AP3B1: variants seen among roughly 807,000 people sequenced by gnomAD.
The protein encoded by AP3B1 is AP-3 complex subunit beta-1.
In AP3B1, 61 loss-of-function variants were observed where a neutral mutation model predicts 132.5. The observed-to-expected ratio is 0.46, with a 90% CI of 0.37 to 0.57. AP3B1 has a LOEUF of 0.57. Ranked by LOEUF, AP3B1 falls within the 20% of genes least tolerant of loss-of-function variation. The pLI, the probability that AP3B1 is intolerant of heterozygous loss-of-function variation, is 0.00. For missense variants in AP3B1, 1,120 were observed against 1,289.4 expected (o/e 0.87, Z 2.01); for synonymous variants, 388 against 438.3 (o/e 0.89, Z 1.43).
At chr5:78,020,838 C>A (rs1747061179) in intron 24 of AP3B1, 49 bp from the exon 25 acceptor site, 1 of 1,403,572 alleles carries the variant, frequency 7.1e-7, no homozygotes, top group Non-Finnish European at 1.0e-6. Context: ...AATAAACATT[C>A]TTAATACTAA....
Position 78,278,628 on chromosome 5 carries a change from G to GAAAA in AP3B1, c.129-11034_129-11033insTTTT, listed in dbSNP as rs1561217286. On this transcript the variant is annotated intron_variant, in intron 1 of 26. Transcript: ENST00000255194. ...AAAAAAAAAAAAAAAAAAAAAAAGG[G>GAAAA]GGGGGGGGACTAATTAATTATGAGG... 1.1e-3 allele frequency among the ~76,000 whole-genome samples: 46 copies of GAAAA among 42,678 alleles called. 1 individual carries two copies. Among genetic ancestry groups the GAAAA allele is most frequent in the African/African-American group, 2.9e-3 (38 of 13,328 alleles). The allele number at this position is 42,678 out of a possible 152,430, so 28.0% of individuals were successfully genotyped here.
chr5:78,237,265 G>T (rs1746915796), intron 3 of AP3B1, among the ~76,000 whole-genome samples: 1 of 152,080 alleles, frequency 6.6e-6, no homozygotes, highest in Admixed American at 6.5e-5. Context: ...GGAGGCCAAG[G>T]CAGGAGGATC....
chr5:78,064,023 G>A (rs925071644), intron 22 of AP3B1, among the ~76,000 whole-genome samples: 3 of 151,354 alleles, frequency 2.0e-5, no homozygotes, highest in African/African-American at 7.3e-5. Flanking sequence ...TGCAGGGGGG[G>A]TCGGGCAGGA....
At chr5:78,026,978 G>C (rs1747363968) in intron 24 of AP3B1, among the ~76,000 whole-genome samples, 2 of 151,968 alleles carry the variant, frequency 1.3e-5, no homozygotes, top group South Asian at 2.1e-4. Context: ...CCTTTTCATT[G>C]ATTGTGAGAG....
At chr5:78,257,547 T>C (rs1263455687) in intron 2 of AP3B1, among the ~76,000 whole-genome samples, 1 of 152,114 alleles carries the variant, frequency 6.6e-6, no homozygotes, top group African/African-American at 2.4e-5. Flanking sequence ...AAAAATATTC[T>C]GTGTTCATGG....
At chr5:78,279,267 G>A (rs920858273) in intron 1 of AP3B1, among the ~76,000 whole-genome samples, 4 of 152,042 alleles carry the variant, frequency 2.6e-5, no homozygotes, top group Admixed American at 6.6e-5. Context: ...CTAACATGTC[G>A]TGTTTATAAC....
Position 78,003,064 on chromosome 5 carries a change from G to C in AP3B1, c.3132-9C>G. ...CAGTTTTAGCTGCAAACCTGGAAGA[G>C]AAAAAAGAGAGACCTTTTATCATAA... On this transcript the variant is annotated splice_polypyrimidine_tract_variant and intron_variant, in intron 26 of 26. Transcript: ENST00000255194. 1 of 1,613,436 alleles carries C rather than the reference G, an allele frequency of 6.2e-7. No homozygotes were observed. Among genetic ancestry groups the C allele is most frequent in the Non-Finnish European group, 8.5e-7 (1 of 1,179,810 alleles).
intron 7 of AP3B1, among the ~76,000 whole-genome samples, chr5:78,193,736 A>C (rs1409333230): frequency 1.4e-5 from 1 of 70,590 alleles, no homozygotes; most frequent in Non-Finnish European, 3.0e-5. Flanking sequence ...ATATTTGTAT[A>C]TATTTTTTTA....
rs182554887 is a variant in AP3B1 at position 78,225,640 on chromosome 5, T to C, written c.537-32A>G. The stretch of plus-strand genomic sequence containing the variant: ...AATACAAAAATAACATATTAATTTT[T>C]CCCTTTAATTCTAGCTTTACATGAT... On this transcript the variant is annotated intron_variant, in intron 5 of 26. Coordinates refer to ENST00000255194, the MANE Select transcript of AP3B1 (RefSeq NM_003664.5). 2.5e-4 allele frequency: 345 copies of C among 1,379,270 alleles called. No individual in the cohort carries two copies. The African/African-American group carries it at 4.5e-3, about 18-fold the overall frequency. The allele number at this position is 1,379,270 out of a possible 1,614,324, so 85.4% of individuals were successfully genotyped here.
At chr5:78,162,993 TG>T in intron 12 of AP3B1, 42 bp from the exon 13 acceptor site, 1 of 1,589,260 alleles carries the variant, frequency 6.3e-7, no homozygotes, top group African/African-American at 1.3e-5. Flanking sequence ...CTGGTATTAT[TG>T]AGTTAACCAA....
intron 1 of AP3B1, among the ~76,000 whole-genome samples, chr5:78,278,622 A>C: frequency 1.3e-5 from 1 of 75,648 alleles, no homozygotes; most frequent in South Asian, 5.6e-4. Flanking sequence ...AAAAAAAAAA[A>C]AAAGGGGGGG....
intron 7 of AP3B1, among the ~76,000 whole-genome samples, chr5:78,188,626 G>A (rs370595653): frequency 4.1e-4 from 62 of 152,310 alleles, no homozygotes; most frequent in Middle Eastern, 3.4e-3. Flanking sequence ...TACACTGTTG[G>A]TGGGTACATA....
chr5:78,150,851 A>C (rs970417639), intron 14 of AP3B1, among the ~76,000 whole-genome samples: 1 of 152,114 alleles, frequency 6.6e-6, no homozygotes, highest in African/African-American at 2.4e-5. Flanking sequence ...GATTCCCCAA[A>C]TGTTAACATT....
intron 7 of AP3B1, among the ~76,000 whole-genome samples, chr5:78,215,027 AAT>A (rs992402606): frequency 6.6e-6 from 1 of 152,108 alleles, no homozygotes; most frequent in African/African-American, 2.4e-5. Context: ...CAATATAGAA[AAT>A]AGTGATCAAC....
At position 78,193,770 on chromosome 5, in the gene AP3B1, A is replaced by ATATATATATATTTTTTTTTTT; in HGVS notation, c.787-12109_787-12108insAAAAAAAAAAATATATATATA. ...TATATATATATATATATATATATAT[A>ATATATATATATTTTTTTTTTT]TTTTTTTTTTAGACAGAGTCTCGCT... On this transcript the variant is annotated intron_variant, in intron 7 of 26. Transcript: ENST00000255194. Among the ~76,000 whole-genome samples, 62 of 67,140 alleles carry ATATATATATATTTTTTTTTTT rather than the reference A, an allele frequency of 9.2e-4. 1 individual carries two copies. The highest frequency in any genetic ancestry group is 1.5e-3 in the Non-Finnish European group (47 of 31,086). 44.0% of individuals were successfully genotyped at this position (67,140 alleles called of 152,430 possible).
At chr5:78,157,514 T>G (rs1018871724) in intron 13 of AP3B1, among the ~76,000 whole-genome samples, 1 of 152,176 alleles carries the variant, frequency 6.6e-6, no homozygotes. Flanking sequence ...TCCAGTCTCT[T>G]TTTGGTGGTA....
chr5:78,161,816 C>A (rs1743398620), intron 13 of AP3B1, among the ~76,000 whole-genome samples: 1 of 151,764 alleles, frequency 6.6e-6, no homozygotes, highest in African/African-American at 2.4e-5. Flanking sequence ...AAATTTTGTT[C>A]CAATTTTTTT....
chr5:78,056,081 T>A (rs1157043809), intron 22 of AP3B1, among the ~76,000 whole-genome samples: 1 of 152,224 alleles, frequency 6.6e-6, no homozygotes, highest in Non-Finnish European at 1.5e-5. Context: ...CCCACTTTTA[T>A]ACTAATTGTA....
At chr5:78,036,464 C>A (rs939416147) in intron 23 of AP3B1, among the ~76,000 whole-genome samples, 2 of 152,054 alleles carry the variant, frequency 1.3e-5, no homozygotes, top group Admixed American at 1.3e-4. Context: ...ATATAGGATG[C>A]CATTTACTTT....
Sources: allele counts gnomAD v4.1 joint callset (sites outside exome capture counted in the v4.1 genomes callset), GRCh38; gene constraint gnomAD v4.1.1; transcripts MANE v1.5; gene names NCBI Gene and HGNC (gene_info 2026-07-23, HGNC 2026-07-21).